Variants in SH3RF3 observed in about 807,000 individuals in gnomAD.
The protein encoded by SH3RF3 is E3 ubiquitin-protein ligase SH3RF3.
In SH3RF3, 29 loss-of-function variants were observed where a neutral mutation model predicts 66.3. The ratio of observed to expected loss-of-function variants is 0.44; its 90% CI spans 0.33 to 0.60. The LOEUF is 0.60. Ranked by LOEUF, SH3RF3 falls within the 20% of genes least tolerant of loss-of-function variation. The probability of loss-of-function intolerance (pLI) is 0.04; values close to 1 mark genes in which losing one functional copy is unlikely to be tolerated. For synonymous variants in SH3RF3, 583 were observed against 532.0 expected (o/e 1.10, Z -1.32); for missense variants, 1,194 against 1,190.9 (o/e 1.00, Z -0.04).
intron 3 of SH3RF3, among the ~76,000 whole-genome samples, chr2:109,384,574 C>T (rs1426620049): frequency 6.6e-6 from 1 of 152,116 alleles, no homozygotes; most frequent in African/African-American, 2.4e-5. Context: ...ACATTGGCAT[C>T]TGCTCTGCAT....
chr2:109,269,500 G>C (rs1252503247), intron 1 of SH3RF3, among the ~76,000 whole-genome samples: 1 of 152,204 alleles, frequency 6.6e-6, no homozygotes, highest in African/African-American at 2.4e-5. Flanking sequence ...TAGTTGCCAA[G>C]CCAGGCGTGG....
At chr2:109,302,336 A>C (rs571027402) in intron 1 of SH3RF3, among the ~76,000 whole-genome samples, 1 of 152,368 alleles carries the variant, frequency 6.6e-6, no homozygotes, top group Admixed American at 6.5e-5. Context: ...AGGATGGGAA[A>C]GTTAGGCTGC....
At chr2:109,464,678 G>C (rs1308628538) in intron 8 of SH3RF3, among the ~76,000 whole-genome samples, 1 of 152,060 alleles carries the variant, frequency 6.6e-6, no homozygotes, top group African/African-American at 2.4e-5. Flanking sequence ...AACAAATTTA[G>C]GTTCAGAGAA....
chr2:109,432,633 T>G lies in SH3RF3; in HGVS notation c.1536T>G (p.Ser512=). 6.2e-7 allele frequency: 1 copy of G among 1,613,012 alleles called. No homozygotes were observed. The highest frequency in any genetic ancestry group is 8.5e-7 in the Non-Finnish European group (1 of 1,179,546). ...FKGASLRTGV[S]GVFPGNYVTP... ...GGGCGTCTCTGAGGACCGGGGTCTC[T>G]GGGGTGTTCCCCGGAAACTACGTGA... Residue 512 remains serine (S), a synonymous_variant, in exon 6 of 10, where the codon TCT becomes TCG. Transcript: ENST00000309415.
chr2:109,335,994 C>T (rs992570346), intron 1 of SH3RF3, among the ~76,000 whole-genome samples: 2 of 152,104 alleles, frequency 1.3e-5, no homozygotes, highest in African/African-American at 2.4e-5. Context: ...TCGAGACATT[C>T]GGGCTGATTT....
At chr2:109,196,535 T>G (rs1678502878) in intron 1 of SH3RF3, among the ~76,000 whole-genome samples, 1 of 152,234 alleles carries the variant, frequency 6.6e-6, no homozygotes, top group African/African-American at 2.4e-5. Context: ...GCACCTGTGC[T>G]GAGAGGTCCG....
At chr2:109,318,745 C>T (rs1681946732) in intron 1 of SH3RF3, among the ~76,000 whole-genome samples, 1 of 152,190 alleles carries the variant, frequency 6.6e-6, no homozygotes, top group African/African-American at 2.4e-5. Flanking sequence ...ACTGACCCTT[C>T]TGGTCTCATC....
chr2:109,156,027 A>G (rs897277275), intron 1 of SH3RF3, among the ~76,000 whole-genome samples: 1 of 152,126 alleles, frequency 6.6e-6, no homozygotes, highest in African/African-American at 2.4e-5. Flanking sequence ...CACTGGGGTC[A>G]TTTTGCCCCT....
chr2:109,233,432 T>G (rs1051021311), intron 1 of SH3RF3, among the ~76,000 whole-genome samples: 14 of 152,206 alleles, frequency 9.2e-5, no homozygotes, highest in African/African-American at 3.4e-4. Flanking sequence ...AGACACTTCG[T>G]GTCTTCCCTC....
At chr2:109,387,948 C>G (rs1300050494) in intron 3 of SH3RF3, among the ~76,000 whole-genome samples, 1 of 152,094 alleles carries the variant, frequency 6.6e-6, no homozygotes, top group Admixed American at 6.5e-5. Context: ...AGATTCCCAA[C>G]CATGCTGAGG....
chr2:109,174,678 T>C (rs1225872385), intron 1 of SH3RF3, among the ~76,000 whole-genome samples: 2 of 152,256 alleles, frequency 1.3e-5, no homozygotes, highest in African/African-American at 4.8e-5. Context: ...ATTTGGAAGA[T>C]GATATTTTCA....
intron 1 of SH3RF3, among the ~76,000 whole-genome samples, chr2:109,193,016 G>A (rs1448441340): frequency 1.3e-5 from 2 of 152,232 alleles, no homozygotes; most frequent in Non-Finnish European, 2.9e-5. Context: ...TGGAAAAGTT[G>A]TAATACAGAT....
chr2:109,262,057 C>T (rs925083243), intron 1 of SH3RF3, among the ~76,000 whole-genome samples: 2 of 152,190 alleles, frequency 1.3e-5, no homozygotes, highest in Admixed American at 6.5e-5. Context: ...TGCTGATGCA[C>T]CAGCCCCAAC....
At chr2:109,410,005 G>T (rs1027968131) in intron 4 of SH3RF3, among the ~76,000 whole-genome samples, 17 of 152,156 alleles carry the variant, frequency 1.1e-4, no homozygotes, top group African/African-American at 3.9e-4. Context: ...GAGACTCGGA[G>T]CCCCCGTACA....
intron 1 of SH3RF3, among the ~76,000 whole-genome samples, chr2:109,220,042 TA>T (rs1679195414): frequency 6.6e-6 from 1 of 152,228 alleles, no homozygotes; most frequent in Non-Finnish European, 1.5e-5. Context: ...TAAGCAATAG[TA>T]ATCAAAACTA....
At chr2:109,330,026 G>C (rs1023808062) in intron 1 of SH3RF3, among the ~76,000 whole-genome samples, 2 of 152,140 alleles carry the variant, frequency 1.3e-5, no homozygotes, top group Admixed American at 1.3e-4. Flanking sequence ...AACATCCCTG[G>C]CCCTTACAAA....
chr2:109,136,929 A>T (rs1455815250), intron 1 of SH3RF3, among the ~76,000 whole-genome samples: 1 of 152,048 alleles, frequency 6.6e-6, no homozygotes, highest in African/African-American at 2.4e-5. Context: ...AGCCATCTTT[A>T]CCCTGGTTCA....
intron 4 of SH3RF3, among the ~76,000 whole-genome samples, chr2:109,416,632 C>A (rs1676731649): frequency 6.6e-6 from 1 of 151,850 alleles, no homozygotes; most frequent in Non-Finnish European, 1.5e-5. Flanking sequence ...ATCTGCCCGC[C>A]TCAGCCTCCC....
At chr2:109,243,625 T>C (rs551938948) in intron 1 of SH3RF3, among the ~76,000 whole-genome samples, 9 of 152,076 alleles carry the variant, frequency 5.9e-5, no homozygotes, top group Non-Finnish European at 1.3e-4. Flanking sequence ...AAAGAGATGG[T>C]GTCTAAACTG....
Sources: allele counts gnomAD v4.1 joint callset (sites outside exome capture counted in the v4.1 genomes callset), GRCh38; gene constraint gnomAD v4.1.1; transcripts MANE v1.5; gene names NCBI Gene and HGNC (gene_info 2026-07-23, HGNC 2026-07-21).